ZNF521: variants seen among roughly 807,000 people sequenced by gnomAD.
ZNF521 encodes the protein zinc finger protein 521, also known as LYST-interacting protein 3.
Under a neutral mutation model 105.5 loss-of-function variants are expected in ZNF521, and 14 were observed. The observed-to-expected ratio is 0.13, with a 90% CI of 0.09 to 0.21. The LOEUF (loss-of-function observed/expected upper bound fraction) is 0.21. Among genes scored for constraint, ZNF521 ranks in the 10% least tolerant of loss-of-function variants. The pLI is 1.00. For missense variants in ZNF521, 1,233 were observed against 1,629.7 expected, an observed-to-expected ratio of 0.76 and a Z score of 4.19; for synonymous variants, 635 against 606.0, an observed-to-expected ratio of 1.05 and a Z score of -0.70.
In ZNF521 at chr18:25,212,509, C is replaced by CAAA. The variant is rs59178760; in HGVS notation, c.3573+11833_3573+11835dup. On this transcript the variant is annotated intron_variant, in intron 4 of 7. Coordinates refer to ENST00000361524, the MANE Select transcript of ZNF521 (RefSeq NM_015461.3). ...TGGGCAAAAGAGTGAGACTTAGTCT[C>CAAA]AAAAAAAAAAAAAAAAAAAAAAAAA... Among the ~76,000 whole-genome samples, 118 of 21,698 alleles carry CAAA rather than the reference C, an allele frequency of 5.4e-3. 12 individuals are homozygous for CAAA. Among genetic ancestry groups the CAAA allele is most frequent in the East Asian group, 0.012 (8 of 670 alleles). 14.2% of individuals were successfully genotyped at this position (21,698 alleles called of 152,430 possible). A position where few individuals can be genotyped will look rare whatever the true frequency, so the allele number is the denominator to read the frequency against.
At chr18:25,121,273 C>CGTTTT (rs1289033911) in intron 5 of ZNF521, among the ~76,000 whole-genome samples, 1 of 126,228 alleles carries the variant, frequency 7.9e-6, no homozygotes, top group Non-Finnish European at 1.6e-5. Context: ...CTTCTTCTTC[C>CGTTTT]TTTTTTTTTT....
chr18:25,196,842 T>C (rs915605126), intron 4 of ZNF521, among the ~76,000 whole-genome samples: 1 of 151,844 alleles, frequency 6.6e-6, no homozygotes, highest in Non-Finnish European at 1.5e-5. Context: ...ACATTATATA[T>C]TGTTTATTAG....
chr18:25,303,061 AC>A (rs894561855), intron 3 of ZNF521: 1 of 152,128 alleles, frequency 6.6e-6, no homozygotes, highest in Non-Finnish European at 1.5e-5. Flanking sequence ...TAGCCCTTCT[AC>A]CTTCCTCCTT....
intron 3 of ZNF521, among the ~76,000 whole-genome samples, chr18:25,247,248 C>A (rs1000144604): frequency 3.3e-5 from 5 of 152,046 alleles, no homozygotes; most frequent in African/African-American, 1.2e-4. Context: ...GTTAATAGAC[C>A]CCTCTACAGA....
At chr18:25,093,249 A>G (rs2033785099) in intron 5 of ZNF521, among the ~76,000 whole-genome samples, 2 of 152,150 alleles carry the variant, frequency 1.3e-5, no homozygotes, top group South Asian at 4.1e-4. Flanking sequence ...ATATCTTAAT[A>G]GATATGGTGG....
chr18:25,117,264 T>C (rs1195281983), intron 5 of ZNF521, among the ~76,000 whole-genome samples: 3 of 151,792 alleles, frequency 2.0e-5, no homozygotes, highest in Non-Finnish European at 2.9e-5. Flanking sequence ...GTGCTGACAT[T>C]TGAGCTGCGG....
At chr18:25,251,320 TC>T (rs757667638) in intron 3 of ZNF521, among the ~76,000 whole-genome samples, 2 of 152,206 alleles carry the variant, frequency 1.3e-5, no homozygotes, top group East Asian at 3.9e-4. Flanking sequence ...TAATCAAGAT[TC>T]TAATACATTC....
At chr18:25,140,205 G>A (rs1046595100) in intron 5 of ZNF521, among the ~76,000 whole-genome samples, 2 of 152,134 alleles carry the variant, frequency 1.3e-5, no homozygotes, top group African/African-American at 4.8e-5. Flanking sequence ...TGAATGAAAT[G>A]AAAAGGCAGT....
intron 4 of ZNF521, among the ~76,000 whole-genome samples, chr18:25,197,610 G>C (rs568937768): frequency 1.3e-5 from 2 of 151,868 alleles, no homozygotes; most frequent in African/African-American, 4.8e-5. Flanking sequence ...CATTCCCTTG[G>C]AGGTAAATTT....
intron 3 of ZNF521, among the ~76,000 whole-genome samples, chr18:25,266,745 T>C (rs1349832227): frequency 2.0e-5 from 3 of 152,130 alleles, no homozygotes; most frequent in Non-Finnish European, 4.4e-5. Flanking sequence ...CCCACGGTCT[T>C]CACAACCCAC....
At chr18:25,097,525 G>A (rs1054553290) in intron 5 of ZNF521, among the ~76,000 whole-genome samples, 2 of 152,106 alleles carry the variant, frequency 1.3e-5, no homozygotes, top group African/African-American at 2.4e-5. Flanking sequence ...CACCTTCTAG[G>A]AGTTTTGTCA....
chr18:25,156,117 G>A (rs1162276747), intron 5 of ZNF521, among the ~76,000 whole-genome samples: 1 of 152,116 alleles, frequency 6.6e-6, no homozygotes, highest in East Asian at 1.9e-4. Context: ...GACCACAGCA[G>A]GCGGAAATGG....
chr18:25,167,205 A>G (rs1208448102), intron 5 of ZNF521, among the ~76,000 whole-genome samples: 1 of 152,216 alleles, frequency 6.6e-6, no homozygotes, highest in African/African-American at 2.4e-5. Context: ...CCCTGTCTTA[A>G]GTATACTTTA....
chr18:25,294,944 A>G (rs1050775682), intron 3 of ZNF521, among the ~76,000 whole-genome samples: 1 of 151,406 alleles, frequency 6.6e-6, no homozygotes, highest in Non-Finnish European at 1.5e-5. Flanking sequence ...TCTCTTTCAC[A>G]TAGTTTCTTT....
At chr18:25,170,430 C>T (rs531240157) in intron 5 of ZNF521, among the ~76,000 whole-genome samples, 7 of 152,188 alleles carry the variant, frequency 4.6e-5, no homozygotes, top group Admixed American at 6.5e-5. Flanking sequence ...TTTGTCCTTC[C>T]GTAGAGCCAG....
At chr18:25,336,890 A>G (rs1328578544) in intron 2 of ZNF521, among the ~76,000 whole-genome samples, 1 of 152,208 alleles carries the variant, frequency 6.6e-6, no homozygotes, top group African/African-American at 2.4e-5. Context: ...CTTCATATCT[A>G]CCAGACACTA....
chr18:25,166,052 A>C (rs1354065186), intron 5 of ZNF521, among the ~76,000 whole-genome samples: 2 of 152,210 alleles, frequency 1.3e-5, no homozygotes, highest in Non-Finnish European at 2.9e-5. Flanking sequence ...AAAAAGTCTT[A>C]AAGGTAGGTT....
Position 25,273,220 on chromosome 18 carries a change from C to CAAAAAAAAAAAAAAAAA in ZNF521, c.221-45540_221-45524dup, listed in dbSNP as rs67381140. Among the ~76,000 whole-genome samples, 101 of 40,882 alleles carry CAAAAAAAAAAAAAAAAA rather than the reference C, an allele frequency of 2.5e-3. 10 individuals carry two copies. The highest frequency in any genetic ancestry group is 7.1e-3 in the East Asian group (4 of 560). The allele number at this position is 40,882 out of a possible 152,430, so 26.8% of individuals were successfully genotyped here. A position where few individuals can be genotyped will look rare whatever the true frequency, so the allele number is the denominator to read the frequency against. ...CCCAAGAGGAGTGAAACCCTGTCTCCAAAAAAAAAAAAAAAAAAAAAAAAA... is the reference window on the plus strand; with the variant it reads ...CCCAAGAGGAGTGAAACCCTGTCTCCAAAAAAAAAAAAAAAAAAAAAAAAAAAAAAAAAAAAAAAAAA... On this transcript the variant is annotated intron_variant, in intron 3 of 7. Transcript: ENST00000361524.
At chr18:25,308,648 A>ACCCCCCCCCCCCCCCCCCC (rs764455271) in intron 3 of ZNF521, among the ~76,000 whole-genome samples, 3 of 116,302 alleles carry the variant, frequency 2.6e-5, no homozygotes, top group East Asian at 2.5e-4. Flanking sequence ...CCTTAATGAC[A>ACCCCCCCCCCCCCCCCCCC]TCCCCCCCCC....
Sources: gnomAD v4.1 joint callset for allele counts (sites outside exome capture counted in the v4.1 genomes callset) on GRCh38, gnomAD v4.1.1 for gene constraint, MANE v1.5 for transcripts, NCBI Gene and HGNC (gene_info 2026-07-23, HGNC 2026-07-21) for gene names.